DCDC2C: variants seen among roughly 807,000 people sequenced by gnomAD.
The protein encoded by DCDC2C is doublecortin domain-containing protein 2C.
Under a neutral mutation model 45.0 loss-of-function variants are expected in DCDC2C, and 44 were observed. The observed-to-expected ratio is 0.98, with a 90% confidence interval of 0.77 to 1.26. The LOEUF is 1.26. Among genes scored for constraint, DCDC2C ranks in the 50% most tolerant of loss-of-function variants. DCDC2C has a pLI of 0.00. For synonymous variants in DCDC2C, 187 were observed against 178.8 expected (o/e 1.05, Z -0.37); for missense variants, 447 against 468.9 (o/e 0.95, Z 0.43).
intron 3 of DCDC2C, 149 bp downstream of exon 3, chr2:3,727,228 G>T: frequency 1.6e-6 from 1 of 624,940 alleles, no homozygotes; most frequent in Non-Finnish European, 2.8e-6. Context: ...CTTCCTGACA[G>T]GTGATTTCTT....
In DCDC2C at chr2:3,704,128, T is replaced by TCCCCAGGCTTCCC. The variant is rs1450631806; in HGVS notation, c.287+91_287+103dup. On this transcript the variant is annotated intron_variant, in intron 1 of 10. Coordinates refer to ENST00000399143, the MANE Select transcript of DCDC2C (RefSeq NM_001287444.2). ...TCAGGGCCGTGCCCCCCAGGTGTCC[T>TCCCCAGGCTTCCC]CCCCAGGCTTCCCTCCCGGCTCGGG... is the stretch of plus-strand genomic sequence containing the variant. The TCCCCAGGCTTCCC allele has an allele frequency of 2.0e-5, 22 of 1,094,096 alleles. No homozygotes were observed. The South Asian group carries it at 1.0e-3, about 50-fold the overall frequency. The allele number at this position is 1,094,096 out of a possible 1,614,324, so 67.8% of individuals were successfully genotyped here.
chr2:3,747,608 A>T (rs1301440518), intron 4 of DCDC2C, among the ~76,000 whole-genome samples: 1 of 152,254 alleles, frequency 6.6e-6, no homozygotes, highest in African/African-American at 2.4e-5. Context: ...TGCAAGGTGC[A>T]GGGCACACAC....
intron 10 of DCDC2C, among the ~76,000 whole-genome samples, chr2:3,810,967 G>C (rs1671377343): frequency 6.6e-6 from 1 of 152,212 alleles, no homozygotes; most frequent in South Asian, 2.1e-4. Flanking sequence ...GTACCACACT[G>C]TTTTGGTTAC....
intron 5 of DCDC2C, 77 bp downstream of exon 5, chr2:3,752,977 G>A (rs1669585884): frequency 7.1e-7 from 1 of 1,412,682 alleles, no homozygotes; most frequent in East Asian, 2.5e-5. Flanking sequence ...TCCCAAATAG[G>A]TCCAGTTCAG....
chr2:3,809,510 T>G (rs531806768), intron 10 of DCDC2C, among the ~76,000 whole-genome samples: 39 of 152,378 alleles, frequency 2.6e-4, no homozygotes, highest in African/African-American at 9.1e-4. Context: ...AAATTTACAT[T>G]TCCTATTGTT....
At chr2:3,800,410 T>C (rs961358913) in intron 10 of DCDC2C, among the ~76,000 whole-genome samples, 1 of 152,224 alleles carries the variant, frequency 6.6e-6, no homozygotes, top group African/African-American at 2.4e-5. Context: ...AATTTGAAGT[T>C]TTTTGAATGC....
At chr2:3,786,186 C>T (rs1354865844) in intron 10 of DCDC2C, among the ~76,000 whole-genome samples, 2 of 151,982 alleles carry the variant, frequency 1.3e-5, no homozygotes, top group Non-Finnish European at 1.5e-5. Context: ...GAGCACTGAG[C>T]CTCCCATGCA....
intron 4 of DCDC2C, among the ~76,000 whole-genome samples, chr2:3,751,725 C>T (rs1236965807): frequency 6.6e-6 from 1 of 152,138 alleles, no homozygotes; most frequent in Non-Finnish European, 1.5e-5. Flanking sequence ...CACTTCCTGC[C>T]CTAATTCATT....
At chr2:3,707,238 A>G (rs1349846593) in intron 1 of DCDC2C, among the ~76,000 whole-genome samples, 3 of 152,202 alleles carry the variant, frequency 2.0e-5, no homozygotes, top group Non-Finnish European at 4.4e-5. Context: ...CATTGAAATA[A>G]TAAATAGTAT....
At chr2:3,711,725 GTA>G (rs1337625313) in intron 2 of DCDC2C, among the ~76,000 whole-genome samples, 2 of 152,152 alleles carry the variant, frequency 1.3e-5, no homozygotes, top group African/African-American at 4.8e-5. Flanking sequence ...GTGATGTAAT[GTA>G]ATGGACCCTT....
At chr2:3,708,622 C>G in intron 2 of DCDC2C, 22 bp downstream of exon 2, 1 of 1,531,994 alleles carries the variant, frequency 6.5e-7, no homozygotes, top group Non-Finnish European at 8.8e-7. Flanking sequence ...CTTCTAACAA[C>G]TAATAATGGA....
chr2:3,741,844 G>A, intron 3 of DCDC2C, 76 bp from the exon 4 acceptor site: 1 of 1,412,280 alleles, frequency 7.1e-7, no homozygotes, highest in Admixed American at 2.3e-5. Context: ...TTCTGTAATT[G>A]TATATATATT....
In DCDC2C at chr2:3,752,749, T is replaced by G. The variant is rs2148126042; in HGVS notation, c.546-14T>G. On this transcript the variant is annotated splice_polypyrimidine_tract_variant and intron_variant, in intron 4 of 10. Coordinates refer to ENST00000399143, the MANE Select transcript of DCDC2C (RefSeq NM_001287444.2). ...CTCAAGTCTCTATCTCATTTCTTCT[T>G]TCTGTTTTTACAGATTATTTACAAT... is the stretch of plus-strand genomic sequence containing the variant. 1 of 1,550,286 alleles carries G rather than the reference T, an allele frequency of 6.5e-7. No homozygotes were observed. Among genetic ancestry groups the G allele is most frequent in the South Asian group, 1.2e-5 (1 of 84,050 alleles).
At chr2:3,752,461 T>C (rs976707978) in intron 4 of DCDC2C, 3 of 374,644 alleles carry the variant, frequency 8.0e-6, no homozygotes, top group African/African-American at 6.2e-5. Context: ...TTAGCTGTTA[T>C]TAGTTAAAAT....
intron 10 of DCDC2C, among the ~76,000 whole-genome samples, chr2:3,813,400 T>C (rs1039537238): frequency 6.6e-6 from 1 of 151,942 alleles, no homozygotes; most frequent in African/African-American, 2.4e-5. Context: ...TGGGGTAGAG[T>C]GTTCTGTAGA....
At chr2:3,827,527 G>T (rs1381868289) in intron 10 of DCDC2C, among the ~76,000 whole-genome samples, 1 of 152,140 alleles carries the variant, frequency 6.6e-6, no homozygotes, top group Non-Finnish European at 1.5e-5. Flanking sequence ...GCTAATTGGG[G>T]TTTCAGCTTC....
intron 8 of DCDC2C, among the ~76,000 whole-genome samples, chr2:3,769,858 C>T (rs942487831): frequency 6.6e-6 from 1 of 152,140 alleles, no homozygotes; most frequent in Non-Finnish European, 1.5e-5. Flanking sequence ...GATTATGAAA[C>T]CTTGAGCCTC....
intron 8 of DCDC2C, among the ~76,000 whole-genome samples, chr2:3,777,139 C>T (rs1254657128): frequency 6.6e-6 from 1 of 152,248 alleles, no homozygotes; most frequent in Non-Finnish European, 1.5e-5. Context: ...CAGGGCTGTG[C>T]ACATGCTGCT....
chr2:3,802,719 T>G (rs1572629780), intron 10 of DCDC2C, among the ~76,000 whole-genome samples: 1 of 152,142 alleles, frequency 6.6e-6, no homozygotes, highest in East Asian at 1.9e-4. Context: ...CCTAATATCA[T>G]CACTTGAGGG....
Sources: allele counts gnomAD v4.1 joint callset (sites outside exome capture counted in the v4.1 genomes callset), GRCh38; gene constraint gnomAD v4.1.1; transcripts MANE v1.5; gene names NCBI Gene and HGNC (gene_info 2026-07-23, HGNC 2026-07-21).